KMT2E: variants seen among roughly 807,000 people sequenced by gnomAD.
KMT2E encodes the protein lysine methyltransferase 2E (inactive).
In KMT2E, 30 loss-of-function variants were observed where a neutral mutation model predicts 184.6. That is an observed-to-expected ratio of 0.16 (90% CI 0.12 to 0.22). The LOEUF is 0.22. Ranked by LOEUF, KMT2E falls within the 10% of genes least tolerant of loss-of-function variation. The probability of loss-of-function intolerance (pLI) is 1.00; values close to 1 mark genes in which losing one functional copy is unlikely to be tolerated. For missense variants in KMT2E, 2,023 were observed against 2,237.4 expected, an observed-to-expected ratio of 0.90 and a Z score of 1.93; for synonymous variants, 815 against 776.5, an observed-to-expected ratio of 1.05 and a Z score of -0.82.
chr7:105,050,181 C>T, intron 3 of KMT2E, among the ~76,000 whole-genome samples: 1 of 152,208 alleles, frequency 6.6e-6, no homozygotes, highest in East Asian at 1.9e-4. Context: ...TTGCACAACA[C>T]TACTATAACC....
intron 5 of KMT2E, among the ~76,000 whole-genome samples, chr7:105,065,739 A>T (rs1465071109): frequency 6.6e-6 from 1 of 152,166 alleles, no homozygotes; most frequent in African/African-American, 2.4e-5. Context: ...ATATTTTCAG[A>T]CTGTGGTTGA....
At chr7:105,037,563 A>G (rs1055049030) in intron 1 of KMT2E, among the ~76,000 whole-genome samples, 6 of 151,934 alleles carry the variant, frequency 3.9e-5, no homozygotes, top group African/African-American at 1.2e-4. Context: ...ATGTCTCACT[A>G]TGTTGCCCAG....
chr7:105,069,908 A>T (rs1436629362), intron 6 of KMT2E, among the ~76,000 whole-genome samples: 3 of 152,166 alleles, frequency 2.0e-5, no homozygotes, highest in Non-Finnish European at 4.4e-5. Flanking sequence ...AAATGAAGTC[A>T]TACATTTATG....
At chr7:105,102,276 T>C (rs967033278) in intron 17 of KMT2E, 82 bp downstream of exon 17, 40 of 1,184,780 alleles carry the variant, frequency 3.4e-5, no homozygotes, top group Non-Finnish European at 4.4e-5. Flanking sequence ...ATTGGATTTT[T>C]AAGACCTCAT....
In KMT2E at chr7:105,112,348, A is replaced by G; in HGVS notation, c.4592A>G (p.Tyr1531Cys). 5 of 1,613,352 alleles carry G rather than the reference A, an allele frequency of 3.1e-6. No homozygotes were observed. Among genetic ancestry groups the G allele is most frequent in the Non-Finnish European group, 4.2e-6 (5 of 1,180,004 alleles). ...QTPSGQSSATYSQFNQQSLNS... is the reference protein window; with the variant it reads ...QTPSGQSSATCSQFNQQSLNS... ...CCCTCAGGACAATCTTCAGCAACAT[A>G]CAGTCAGTTTAACCAACAAAGTCTG... is the stretch of plus-strand genomic sequence containing the variant. The change falls in exon 27 of 27, where the codon TAC (tyrosine) becomes TGC (cysteine). Residue 1531 changes from tyrosine (Y) to cysteine (C), a missense_variant. Coordinates refer to ENST00000311117, the MANE Select transcript of KMT2E (RefSeq NM_182931.3).
At chr7:105,095,624 G>A (rs1331965074) in intron 15 of KMT2E, among the ~76,000 whole-genome samples, 1 of 152,082 alleles carries the variant, frequency 6.6e-6, no homozygotes, top group African/African-American at 2.4e-5. Context: ...TTCCATCCAT[G>A]ATATTTTGTC....
chr7:105,059,978 G>GTTGTTTTTT (rs1796734822), intron 3 of KMT2E, among the ~76,000 whole-genome samples: 4 of 51,764 alleles, frequency 7.7e-5, no homozygotes, highest in African/African-American at 1.2e-4. Context: ...TCTTGTTGTT[G>GTTGTTTTTT]TTTTTTTTTT....
chr7:105,031,365 G>C (rs1356535534), intron 1 of KMT2E, among the ~76,000 whole-genome samples: 1 of 151,094 alleles, frequency 6.6e-6, no homozygotes, highest in South Asian at 2.1e-4. Context: ...TGAGGATTGG[G>C]GGGGTGGTGG....
intron 5 of KMT2E, chr7:105,063,807 C>A: frequency 1.9e-6 from 1 of 515,120 alleles, no homozygotes; most frequent in Non-Finnish European, 3.4e-6. Flanking sequence ...AACTTTTTTT[C>A]ATGTAGGATC....
chr7:105,106,826 C>A, intron 20 of KMT2E, 54 bp downstream of exon 20: 4 of 1,544,974 alleles, frequency 2.6e-6, no homozygotes, highest in South Asian at 1.2e-5. Flanking sequence ...GATGGAATTT[C>A]TTTTAAGAGC....
intron 1 of KMT2E, among the ~76,000 whole-genome samples, chr7:105,017,394 C>A (rs1000920748): frequency 7.9e-6 from 1 of 126,122 alleles, no homozygotes; most frequent in African/African-American, 3.0e-5. Flanking sequence ...GGTTTTGTTT[C>A]TTTTTGGTGG....
intron 3 of KMT2E, among the ~76,000 whole-genome samples, chr7:105,057,175 A>T (rs1796598978): frequency 2.0e-5 from 3 of 152,214 alleles, no homozygotes. Flanking sequence ...GTTATTCTAC[A>T]AATAGGGGTT....
At chr7:105,073,749 G>A (rs916029284) in intron 7 of KMT2E, 72 bp downstream of exon 7, 3 of 885,336 alleles carry the variant, frequency 3.4e-6, no homozygotes, top group Non-Finnish European at 5.5e-6. Context: ...TCAACTTTTA[G>A]TTAAATGTAA....
chr7:105,054,382 T>C (rs897184109), intron 3 of KMT2E, among the ~76,000 whole-genome samples: 2 of 152,052 alleles, frequency 1.3e-5, no homozygotes, highest in African/African-American at 4.8e-5. Context: ...GGCTCTGTAG[T>C]TGAAGGAACT....
intron 23 of KMT2E, among the ~76,000 whole-genome samples, 184 bp from the exon 24 acceptor site, chr7:105,110,096 G>A (rs1002809657): frequency 6.6e-6 from 1 of 152,086 alleles, no homozygotes; most frequent in Non-Finnish European, 1.5e-5. Flanking sequence ...GCCTCCCAAA[G>A]TGCTGGGATT....
intron 3 of KMT2E, among the ~76,000 whole-genome samples, chr7:105,044,244 C>T (rs1198992265): frequency 6.6e-6 from 1 of 151,870 alleles, no homozygotes; most frequent in Non-Finnish European, 1.5e-5. Context: ...AAAATAATAT[C>T]TAGTACCATT....
chr7:105,054,190 T>G (rs569199884), intron 3 of KMT2E, among the ~76,000 whole-genome samples: 1 of 141,052 alleles, frequency 7.1e-6, no homozygotes, highest in Non-Finnish European at 1.5e-5. Context: ...GGCTGCGAAA[T>G]TTTTTTTTTT....
rs776694339 is a variant in KMT2E at position 105,105,958 on chromosome 7, G to A, written c.2551G>A (p.Glu851Lys). ...ATCCAGAAGTCCTGCAGTCAATGGT[G>A]AAAATAAAAGTCCACTACTATTAAA... The part of the protein sequence containing the change: ...ERSRSPAVNG[E>K]NKSPLLLNDS... Residue 851 changes from glutamate to lysine, a missense_variant, in exon 19 of 27, where the codon GAA (glutamate) becomes AAA (lysine). Physicochemically the swap from Glu to Lys is moderately conservative, Grantham distance 56. Transcript: ENST00000311117. The A allele has an allele frequency of 1.9e-6, 3 of 1,613,240 alleles. No homozygotes were observed. Among genetic ancestry groups the A allele is most frequent in the Non-Finnish European group, 1.7e-6 (2 of 1,179,686 alleles).
At chr7:105,027,469 ATTT>A (rs1795220078) in intron 1 of KMT2E, among the ~76,000 whole-genome samples, 1 of 151,996 alleles carries the variant, frequency 6.6e-6, no homozygotes, top group Non-Finnish European at 1.5e-5. Context: ...TGTATTCTAA[ATTT>A]TTTCAGAGAT....
Sources: allele counts gnomAD v4.1 joint callset (sites outside exome capture counted in the v4.1 genomes callset), GRCh38; gene constraint gnomAD v4.1.1; transcripts MANE v1.5; gene names NCBI Gene and HGNC (gene_info 2026-07-23, HGNC 2026-07-21).